Variants in TET3 observed in about 807,000 individuals in gnomAD.
TET3 encodes tet methylcytosine dioxygenase 3.
A neutral mutation model predicts 141.4 loss-of-function variants in TET3; 19 were observed. That is an observed-to-expected ratio of 0.13 (90% CI 0.09 to 0.20). The LOEUF (loss-of-function observed/expected upper bound fraction) is 0.20. Ranked by LOEUF, TET3 falls within the 10% of genes least tolerant of loss-of-function variation. The pLI is 1.00. For missense variants in TET3, 1,874 were observed against 2,356.9 expected (o/e 0.80, Z 4.24); for synonymous variants, 1,043 against 980.9 (o/e 1.06, Z -1.18).
In TET3 at chr2:74,093,132, G is replaced by A; in HGVS notation, c.3129+141G>A. 6.1e-6 allele frequency: 5 copies of A among 813,598 alleles called. No homozygotes were observed. The highest frequency in any genetic ancestry group is 9.7e-6 in the Non-Finnish European group (5 of 513,048). The allele number at this position is 813,598 out of a possible 1,614,324, so 50.4% of individuals were successfully genotyped here. On this transcript the variant is annotated intron_variant, in intron 9 of 11. Transcript: ENST00000409262. The surrounding 1 kb of genome is among the most constrained non-coding windows in gnomAD (Gnocchi z 4.2). ...TCCAGAAGTAAAGCGATATGATGTG[G>A]TTCTTTGATAAAAACCCCTTTTTTA...
intron 4 of TET3, among the ~76,000 whole-genome samples, chr2:74,063,276 G>A (rs1014378879): frequency 6.6e-6 from 1 of 151,918 alleles, no homozygotes; most frequent in East Asian, 1.9e-4. Context: ...TGAAGCCCAG[G>A]TGTCACTAGG....
chr2:74,085,880 G>T (rs1690126970), intron 6 of TET3, among the ~76,000 whole-genome samples: 1 of 152,308 alleles, frequency 6.6e-6, no homozygotes, highest in Middle Eastern at 3.4e-3. Context: ...GAGCCACAAA[G>T]TGTGGAAGTC....
At chr2:74,084,080 T>C (rs1689979789) in intron 6 of TET3, among the ~76,000 whole-genome samples, 1 of 152,196 alleles carries the variant, frequency 6.6e-6, no homozygotes, top group African/African-American at 2.4e-5. Context: ...ATAGCCAAAA[T>C]ACACATATCA....
In TET3 at chr2:74,101,486, G is replaced by A; in HGVS notation, c.4698G>A (p.Arg1566=). ...LWNPMKGEEG[R]IPAAGASQLD... is the part of the protein sequence containing the mutation. The stretch of plus-strand genomic sequence containing the variant: ...ACCCCATGAAAGGAGAGGAGGGCAG[G>A]ATTCCAGCCGCAGGGGCCAGCCAGC... The change falls in exon 12 of 12, where the codon AGG becomes AGA. Residue 1566 remains arginine (R), a synonymous_variant. Coordinates refer to ENST00000409262, the MANE Select transcript of TET3 (RefSeq NM_001287491.2). This position sits in a 1 kb window ranked among gnomAD's most constrained non-coding sequence, Gnocchi z 8.5. 1.2e-6 allele frequency: 2 copies of A among 1,613,130 alleles called. No individual in the cohort carries two copies. The highest frequency in any genetic ancestry group is 1.7e-6 in the Non-Finnish European group (2 of 1,179,666).
rs115727146 is a variant in TET3 at position 74,082,356 on chromosome 2, A to G, written c.2679+1765A>G. ...AAGGCAGGAGGATGGAGGGGCAGGA[A>G]CTTTGTCCTCAGTATGCCATTGCTC... On this transcript the variant is annotated intron_variant, in intron 6 of 11. Transcript: ENST00000409262. 6.2e-3 allele frequency among the ~76,000 whole-genome samples: 942 copies of G among 152,212 alleles called. 8 individuals carry two copies. The highest frequency in any genetic ancestry group is 0.014 in the Middle Eastern group (4 of 294).
chr2:74,081,069 G>A (rs750700758), intron 6 of TET3, among the ~76,000 whole-genome samples: 7 of 152,210 alleles, frequency 4.6e-5, no homozygotes, highest in Non-Finnish European at 8.8e-5. Context: ...CTAGCATGCT[G>A]AGATCCAACC....
At chr2:74,133,934 G>A in the TET3 span, among the ~76,000 whole-genome samples, 2 of 151,852 alleles carry the variant, frequency 1.3e-5, no homozygotes, top group Non-Finnish European at 2.9e-5. Context: ...CAGTAGAGAC[G>A]GGGTTTCACC....
rs1302660714 is a variant in TET3, at chr2:74,093,747, C to CT, written c.3267+82dup. On this transcript the variant is annotated intron_variant, in intron 10 of 11. Transcript: ENST00000409262. The surrounding 1 kb of genome is among the most constrained non-coding windows in gnomAD (Gnocchi z 4.2). Reference sequence around the variant, plus strand: ...ACCGTGGTCTTTTCAGAAAGGCAGGCTGAGGGTAGGGAGGGACCTGGAGAC... The same window carrying CT: ...ACCGTGGTCTTTTCAGAAAGGCAGGCTTGAGGGTAGGGAGGGACCTGGAGAC... The CT allele has an allele frequency of 6.9e-7, 1 of 1,451,906 alleles. No individual in the cohort carries two copies. The highest frequency in any genetic ancestry group is 2.2e-5 in the Admixed American group (1 of 45,960). The allele number at this position is 1,451,906 out of a possible 1,614,324, so 89.9% of individuals were successfully genotyped here.
chr2:74,046,256 T>TTC lies in TET3; in HGVS notation c.361-22_361-21insTC. The TTC allele has an allele frequency of 6.8e-7, 1 of 1,475,302 alleles. No homozygotes were observed. The highest frequency in any genetic ancestry group is 1.4e-5 in the African/African-American group (1 of 71,078). 91.4% of individuals were successfully genotyped at this position (1,475,302 alleles called of 1,614,324 possible). On this transcript the variant is annotated intron_variant, in intron 3 of 11. Coordinates refer to ENST00000409262, the MANE Select transcript of TET3 (RefSeq NM_001287491.2). This position sits in a 1 kb window ranked among gnomAD's most constrained non-coding sequence, Gnocchi z 4.3. ...TAGTGTGGTTCATTTTTTTCCTTTTTCCCCCTTCTCTCTCTCTTTAGACAG... is the reference window on the plus strand; with the variant it reads ...TAGTGTGGTTCATTTTTTTCCTTTTTTCCCCCCTTCTCTCTCTCTTTAGACAG...
the TET3 span, among the ~76,000 whole-genome samples, chr2:74,119,481 C>G: frequency 6.6e-6 from 1 of 152,072 alleles, no homozygotes; most frequent in Non-Finnish European, 1.5e-5. Context: ...AGAAATACTA[C>G]CCAGATGATG....
chr2:73,985,896 C>T lies in TET3; in HGVS notation c.-424-84C>T, dbSNP rs367959548. 4.6e-5 allele frequency: 7 copies of T among 152,568 alleles called. No individual in the cohort carries two copies. The East Asian group carries it at 1.2e-3, about 25-fold the overall frequency. The allele number at this position is 152,568 out of a possible 1,614,324, so 9.5% of individuals were successfully genotyped here. On this transcript the variant is annotated intron_variant, in intron 1 of 11. Transcript: ENST00000409262. ...CAAGCCCCATCTCTTCCCCCATTTT[C>T]TCTTCCCAGAAACAGGAAGAAGTGA...
intron 6 of TET3, among the ~76,000 whole-genome samples, chr2:74,086,485 TGTG>T (rs1182177811): frequency 6.6e-6 from 1 of 152,116 alleles, no homozygotes; most frequent in Non-Finnish European, 1.5e-5. Context: ...TTTTTAAAAT[TGTG>T]GTAACAGTGT....
At chr2:74,134,152 T>C in the TET3 span, among the ~76,000 whole-genome samples, 58,035 of 151,848 alleles carry the variant, frequency 0.38, 12,666 homozygotes, top group South Asian at 0.54. Context: ...CCATTCTCAC[T>C]GACCACTGCC....
rs183198853 is a variant in TET3, at chr2:74,083,412, C to T, written c.2679+2821C>T. On this transcript the variant is annotated intron_variant, in intron 6 of 11. Transcript: ENST00000409262. Reference sequence around the variant, plus strand: ...GACACAGTAAAACAGACTTAGGAAGCCGCAGGTGTTAGAACCAAGTACCGT... The same window carrying T: ...GACACAGTAAAACAGACTTAGGAAGTCGCAGGTGTTAGAACCAAGTACCGT... Among the ~76,000 whole-genome samples, 40 of 152,260 alleles carry T rather than the reference C, an allele frequency of 2.6e-4. 1 individual carries two copies. In the East Asian group the frequency reaches 3.9e-3, roughly 15 times the overall value.
rs555509078 is a variant in TET3, at chr2:74,059,451, C to T, written c.2494+11040C>T. Among the ~76,000 whole-genome samples, 493 of 152,170 alleles carry T rather than the reference C, an allele frequency of 3.2e-3. 2 individuals are homozygous for T. Among genetic ancestry groups the T allele is most frequent in the Non-Finnish European group, 4.1e-3 (279 of 67,988 alleles). On this transcript the variant is annotated intron_variant, in intron 4 of 11. Coordinates refer to ENST00000409262, the MANE Select transcript of TET3 (RefSeq NM_001287491.2). ...TATTTTTTTAGTAGAGACAGGGTTT[C>T]GCCAGGTTGGCCAGGCTGGTCTGGA...
In TET3 at chr2:74,101,310, C is replaced by T. The variant is rs751583895; in HGVS notation, c.4522C>T (p.Leu1508=). 20 of 1,613,294 alleles carry T rather than the reference C, an allele frequency of 1.2e-5. No individual in the cohort carries two copies. The highest frequency in any genetic ancestry group is 1.6e-5 in the Non-Finnish European group (19 of 1,179,704). The change falls in exon 12 of 12, where the codon CTG becomes TTG. Residue 1508 remains leucine, a synonymous_variant. Coordinates refer to ENST00000409262, the MANE Select transcript of TET3 (RefSeq NM_001287491.2). This position sits in a 1 kb window ranked among gnomAD's most constrained non-coding sequence, Gnocchi z 8.5. ...GGCAGCTTCCCACTCTGGAGGACGG[C>T]TGCGAGGCAAACCGTGGAGCCCCTG... ...QQAASHSGGR[L]RGKPWSPCKF... is the part of the protein sequence containing the mutation.
the TET3 span, among the ~76,000 whole-genome samples, chr2:74,127,733 G>GA: frequency 1.3e-5 from 2 of 151,824 alleles, no homozygotes; most frequent in East Asian, 1.9e-4. Flanking sequence ...ATTTGATTCG[G>GA]AAAAATAGCT....
intron 3 of TET3, among the ~76,000 whole-genome samples, chr2:74,031,916 A>G (rs1005879264): frequency 6.6e-6 from 1 of 152,192 alleles, no homozygotes; most frequent in African/African-American, 2.4e-5. Flanking sequence ...CTGGGAGGCC[A>G]TGGGCATCCA....
intron 3 of TET3, among the ~76,000 whole-genome samples, chr2:74,018,209 G>A (rs377008412): frequency 3.3e-5 from 5 of 151,936 alleles, no homozygotes; most frequent in East Asian, 1.9e-4. Flanking sequence ...TCAAGTGATC[G>A]GCCTGCCTTG....
Sources: gnomAD v4.1 joint callset for allele counts (sites outside exome capture counted in the v4.1 genomes callset) on GRCh38, gnomAD v4.1.1 for gene constraint, Gnocchi (gnomAD v3.1) non-coding constraint, MANE v1.5 for transcripts, NCBI Gene and HGNC (gene_info 2026-07-23, HGNC 2026-07-21) for gene names.